MAGI1: variants seen among roughly 807,000 people sequenced by gnomAD.
MAGI1 encodes membrane associated guanylate kinase, WW and PDZ domain containing 1.
A neutral mutation model predicts 139.9 loss-of-function variants in MAGI1; 58 were observed. The ratio of observed to expected loss-of-function variants is 0.41; its 90% CI spans 0.34 to 0.52. The LOEUF (loss-of-function observed/expected upper bound fraction) is 0.52. MAGI1 is among the 20% of genes least tolerant of loss of function. The pLI is 0.12. For missense variants in MAGI1, 1,874 were observed against 1,901.6 expected, an observed-to-expected ratio of 0.99 and a Z score of 0.27; for synonymous variants, 812 against 737.9, an observed-to-expected ratio of 1.10 and a Z score of -1.63.
intron 1 of MAGI1, among the ~76,000 whole-genome samples, chr3:65,779,887 T>C (rs918355332): frequency 6.6e-6 from 1 of 152,176 alleles, no homozygotes; most frequent in Non-Finnish European, 1.5e-5. Flanking sequence ...GATGGGAACA[T>C]TTACTATCAT....
chr3:65,554,508 A>G lies in MAGI1; in HGVS notation c.431-60877T>C, dbSNP rs1451451948. Among the ~76,000 whole-genome samples the G allele has an allele frequency of 2.0e-5, 3 of 152,178 alleles. No individual in the cohort carries two copies. In the East Asian group the frequency reaches 5.8e-4, roughly 29 times the overall value. On this transcript the variant is annotated intron_variant, in intron 2 of 22. Coordinates refer to ENST00000402939, the MANE Select transcript of MAGI1 (RefSeq NM_001033057.2). ...ACGCAAAGCATCAGGGCAGCTGGAC[A>G]AGGGTGATCACCTCTCTTAATGAGT...
Position 65,382,058 on chromosome 3 carries a change from A to T in MAGI1, c.2520T>A (p.Gly840=), listed in dbSNP as rs1943094170. Residue 840 remains glycine, a synonymous_variant, in exon 16 of 23, where the codon GGT becomes GGA. Transcript: ENST00000402939. ...CAGCAGCACCCAGTGGTACGATGTGACCAATATAAATCTGTTGAGTAATTG... is the reference window on the plus strand; with the variant it reads ...CAGCAGCACCCAGTGGTACGATGTGTCCAATATAAATCTGTTGAGTAATTG... ...GNEPGEPIYI[G]HIVPLGAADT... 2 of 1,610,112 alleles carry T rather than the reference A, an allele frequency of 1.2e-6. No homozygotes were observed. Among genetic ancestry groups the T allele is most frequent in the Non-Finnish European group, 1.7e-6 (2 of 1,178,374 alleles).
intron 1 of MAGI1, among the ~76,000 whole-genome samples, chr3:65,957,350 CAAAAA>C (rs1174740233): frequency 2.2e-5 from 2 of 91,492 alleles, no homozygotes; most frequent in Admixed American, 1.4e-4. Flanking sequence ...CCTGTCTCTA[CAAAAA>C]AAAAAAAAAA....
At chr3:65,511,052 C>G (rs2077561405) in intron 2 of MAGI1, among the ~76,000 whole-genome samples, 1 of 147,078 alleles carries the variant, frequency 6.8e-6, no homozygotes. Context: ...TCCAGCCAAA[C>G]TAAGCTTCAT....
At chr3:65,874,243 A>G (rs2060034767) in intron 1 of MAGI1, 2 of 151,964 alleles carry the variant, frequency 1.3e-5, no homozygotes, top group Non-Finnish European at 2.9e-5. Flanking sequence ...CCGAAATCTC[A>G]CCACTGGACT....
intron 1 of MAGI1, among the ~76,000 whole-genome samples, chr3:65,958,004 C>G (rs1414417144): frequency 6.6e-6 from 1 of 152,094 alleles, no homozygotes; most frequent in African/African-American, 2.4e-5. Context: ...GGTGATACAC[C>G]CGCCTCAGCC....
intron 1 of MAGI1, among the ~76,000 whole-genome samples, chr3:66,018,256 T>C (rs2067774187): frequency 6.6e-6 from 1 of 152,156 alleles, no homozygotes; most frequent in African/African-American, 2.4e-5. Flanking sequence ...ACGTGTAACT[T>C]TCTGCTACCA....
intron 12 of MAGI1, among the ~76,000 whole-genome samples, chr3:65,426,315 AG>A (rs1947041257): frequency 6.6e-6 from 1 of 152,190 alleles, no homozygotes; most frequent in East Asian, 1.9e-4. Flanking sequence ...AGATGAGGGA[AG>A]GGGGATGGAC....
At chr3:66,005,813 C>G (rs2066985025) in intron 1 of MAGI1, among the ~76,000 whole-genome samples, 1 of 151,916 alleles carries the variant, frequency 6.6e-6, no homozygotes, top group South Asian at 2.1e-4. Context: ...CATGGATCTA[C>G]CAGGAATCTA....
At chr3:65,980,945 G>T (rs941415763) in intron 1 of MAGI1, among the ~76,000 whole-genome samples, 3 of 152,040 alleles carry the variant, frequency 2.0e-5, no homozygotes, top group African/African-American at 7.2e-5. Flanking sequence ...GATCACTTGA[G>T]GTCAGGAGTT....
chr3:65,549,277 C>T, intron 2 of MAGI1: 1 of 367,102 alleles, frequency 2.7e-6, no homozygotes, highest in South Asian at 1.1e-4. Context: ...TCGCCTTCTC[C>T]TTCCTTCCCT....
At chr3:65,734,032 T>G (rs774590054) in intron 1 of MAGI1, among the ~76,000 whole-genome samples, 1 of 152,228 alleles carries the variant, frequency 6.6e-6, no homozygotes, top group African/African-American at 2.4e-5. Context: ...ATAATGTCCC[T>G]TTCTGAGGTC....
intron 1 of MAGI1, among the ~76,000 whole-genome samples, chr3:66,032,481 A>G (rs1261112705): frequency 1.3e-5 from 2 of 148,688 alleles, no homozygotes; most frequent in East Asian, 4.1e-4. Context: ...CGGCCTCCCA[A>G]AGTGCTGGGA....
At chr3:65,557,978 G>A (rs2080166158) in intron 2 of MAGI1, among the ~76,000 whole-genome samples, 3 of 152,114 alleles carry the variant, frequency 2.0e-5, no homozygotes, top group African/African-American at 7.2e-5. Context: ...TCAATAGGGA[G>A]ATAAACTGCC....
chr3:65,980,096 A>G (rs1414883777), intron 1 of MAGI1, among the ~76,000 whole-genome samples: 1 of 152,202 alleles, frequency 6.6e-6, no homozygotes, highest in African/African-American at 2.4e-5. Flanking sequence ...TTATACAAGC[A>G]AACAGTGGTG....
At chr3:65,431,205 C>G (rs537487953) in intron 10 of MAGI1, among the ~76,000 whole-genome samples, 22 of 152,226 alleles carry the variant, frequency 1.4e-4, no homozygotes, top group African/African-American at 5.3e-4. Flanking sequence ...TGCCACAAAC[C>G]CCTTCACAGA....
chr3:65,516,283 G>A (rs930265455), intron 2 of MAGI1, among the ~76,000 whole-genome samples: 5 of 151,882 alleles, frequency 3.3e-5, no homozygotes, highest in African/African-American at 1.2e-4. Flanking sequence ...GGGTTCAAGC[G>A]ATTCCCCTGC....
intron 2 of MAGI1, among the ~76,000 whole-genome samples, chr3:65,567,514 C>G (rs889593420): frequency 6.6e-6 from 1 of 152,182 alleles, no homozygotes; most frequent in Non-Finnish European, 1.5e-5. Flanking sequence ...TATCCCAAAT[C>G]ATTTCATCAC....
At position 65,821,734 on chromosome 3, in the gene MAGI1, T is replaced by C. The variant is rs564731968; in HGVS notation, c.314-199646A>G. 3.3e-5 allele frequency among the ~76,000 whole-genome samples: 5 copies of C among 152,244 alleles called. No homozygotes were observed. In the East Asian group the frequency reaches 9.7e-4, roughly 29 times the overall value. On this transcript the variant is annotated intron_variant, in intron 1 of 22. Transcript: ENST00000402939. ...TCATCATCACAATACAGTCATCAAT[T>C]TACCTGGGCAAAGGGGATGCTTGGT...
Sources: gnomAD v4.1 joint callset for allele counts (sites outside exome capture counted in the v4.1 genomes callset) on GRCh38, gnomAD v4.1.1 for gene constraint, MANE v1.5 for transcripts, NCBI Gene and HGNC (gene_info 2026-07-23, HGNC 2026-07-21) for gene names.